Variants in PTPRD observed in about 807,000 individuals in gnomAD.
PTPRD encodes the protein receptor-type tyrosine-protein phosphatase delta.
Under a neutral mutation model 214.5 loss-of-function variants are expected in PTPRD, and 34 were observed. The ratio of observed to expected loss-of-function variants is 0.16; its 90% confidence interval spans 0.12 to 0.21. The LOEUF (loss-of-function observed/expected upper bound fraction) is 0.21, where lower values mean the gene tolerates loss of function less well. Among genes scored for constraint, PTPRD ranks in the 10% least tolerant of loss-of-function variants. The pLI, the probability that PTPRD is intolerant of heterozygous loss-of-function variation, is 1.00. For synonymous variants in PTPRD, 1,128 were observed against 845.7 expected, an observed-to-expected ratio of 1.33 and a Z score of -5.79; for missense variants, 2,545 against 2,398.7, an observed-to-expected ratio of 1.06 and a Z score of -1.27.
chr9:10,536,760 T>C (rs938668650), intron 2 of PTPRD, among the ~76,000 whole-genome samples: 1 of 152,154 alleles, frequency 6.6e-6, no homozygotes, highest in Non-Finnish European at 1.5e-5. Context: ...AAAAGTCAGC[T>C]GTCTCATTAA....
chr9:8,654,252 C>G (rs949972631), intron 12 of PTPRD, among the ~76,000 whole-genome samples: 1 of 152,130 alleles, frequency 6.6e-6, no homozygotes, highest in Non-Finnish European at 1.5e-5. Flanking sequence ...GTCAACTACC[C>G]CCTACTTGGT....
chr9:8,374,969 T>C (rs80297810), intron 39 of PTPRD, among the ~76,000 whole-genome samples: 1 of 151,808 alleles, frequency 6.6e-6, no homozygotes, highest in Non-Finnish European at 1.5e-5. Context: ...ATATGGGGTA[T>C]GAAAGAGAGT....
chr9:9,542,340 C>A (rs74721413), intron 8 of PTPRD, among the ~76,000 whole-genome samples: 7 of 151,318 alleles, frequency 4.6e-5, no homozygotes, highest in African/African-American at 7.3e-5. Flanking sequence ...TGGACCTGTA[C>A]GAAAAATTAA....
At chr9:9,088,022 C>G (rs530807950) in intron 10 of PTPRD, among the ~76,000 whole-genome samples, 1 of 149,842 alleles carries the variant, frequency 6.7e-6, no homozygotes, top group Admixed American at 6.7e-5. Flanking sequence ...GCTGGAATTA[C>G]AAGCGTGCAC....
intron 7 of PTPRD, among the ~76,000 whole-genome samples, chr9:9,716,443 G>T (rs375173273): frequency 6.6e-4 from 100 of 151,502 alleles, no homozygotes; most frequent in African/African-American, 1.7e-3. Flanking sequence ...ACTTCCACAA[G>T]GGTTGAACTA....
At chr9:10,561,154 C>G (rs774731126) in intron 2 of PTPRD, among the ~76,000 whole-genome samples, 21 of 152,202 alleles carry the variant, frequency 1.4e-4, no homozygotes, top group Non-Finnish European at 2.6e-4. Flanking sequence ...TGGTTTTAAA[C>G]AGACCCATGG....
intron 9 of PTPRD, among the ~76,000 whole-genome samples, chr9:9,331,304 C>A (rs892435384): frequency 2.6e-5 from 4 of 152,034 alleles, no homozygotes; most frequent in Non-Finnish European, 5.9e-5. Flanking sequence ...ACCCCCATTT[C>A]CAATTTACTA....
At chr9:9,362,781 T>C (rs2056644476) in intron 9 of PTPRD, among the ~76,000 whole-genome samples, 1 of 151,362 alleles carries the variant, frequency 6.6e-6, no homozygotes. Flanking sequence ...AATGTGTTGA[T>C]AGTTAGCAGG....
intron 3 of PTPRD, among the ~76,000 whole-genome samples, chr9:10,191,986 T>C (rs141598740): frequency 6.6e-6 from 1 of 152,170 alleles, no homozygotes; most frequent in Non-Finnish European, 1.5e-5. Flanking sequence ...CAGGTACTGG[T>C]TGAATTATTA....
intron 9 of PTPRD, among the ~76,000 whole-genome samples, chr9:9,353,231 G>C (rs955966834): frequency 6.6e-6 from 1 of 151,730 alleles, no homozygotes; most frequent in Non-Finnish European, 1.5e-5. Context: ...TTTAATGTCT[G>C]TTACCAAACT....
chr9:8,331,147 A>G (rs77128600), intron 44 of PTPRD, among the ~76,000 whole-genome samples: 7,402 of 149,274 alleles, frequency 0.05, 607 homozygotes, highest in African/African-American at 0.18. Flanking sequence ...CATACTAAGC[A>G]CTTATTGACT....
chr9:8,703,580 AT>A (rs763155487), intron 12 of PTPRD, among the ~76,000 whole-genome samples: 10 of 151,978 alleles, frequency 6.6e-5, no homozygotes, highest in South Asian at 6.3e-4. Flanking sequence ...CTCCAACTCT[AT>A]TGTTTTTCTT....
At chr9:10,522,016 G>A (rs1387093246) in intron 2 of PTPRD, among the ~76,000 whole-genome samples, 1 of 152,102 alleles carries the variant, frequency 6.6e-6, no homozygotes, top group African/African-American at 2.4e-5. Context: ...TGTTAGGGAA[G>A]GGATGTATAC....
intron 11 of PTPRD, among the ~76,000 whole-genome samples, chr9:8,776,810 G>C (rs1302968638): frequency 6.9e-6 from 1 of 144,776 alleles, no homozygotes; most frequent in South Asian, 2.1e-4. Context: ...TATTATATAT[G>C]TATAATATAT....
At chr9:9,662,299 A>G (rs1309465712) in intron 7 of PTPRD, among the ~76,000 whole-genome samples, 3 of 151,696 alleles carry the variant, frequency 2.0e-5, no homozygotes, top group African/African-American at 7.2e-5. Context: ...TGTAGTAGAA[A>G]AAGAAAATTG....
chr9:9,558,054 C>T (rs1382981341), intron 8 of PTPRD, among the ~76,000 whole-genome samples: 1 of 152,164 alleles, frequency 6.6e-6, no homozygotes, highest in Non-Finnish European at 1.5e-5. Context: ...CTTTCTTTCT[C>T]TGAGCACGAG....
At chr9:9,640,269 T>G (rs914062448) in intron 7 of PTPRD, among the ~76,000 whole-genome samples, 1 of 152,176 alleles carries the variant, frequency 6.6e-6, no homozygotes, top group Non-Finnish European at 1.5e-5. Flanking sequence ...CTTGGAATGC[T>G]TAAACAGTGA....
intron 2 of PTPRD, among the ~76,000 whole-genome samples, chr9:10,563,565 T>C (rs889094483): frequency 1.3e-5 from 2 of 152,172 alleles, no homozygotes; most frequent in Non-Finnish European, 2.9e-5. Context: ...AGTTACATTA[T>C]TTAAAATATA....
At chr9:10,172,730 GTT>G (rs2099217925) in intron 3 of PTPRD, among the ~76,000 whole-genome samples, 1 of 152,160 alleles carries the variant, frequency 6.6e-6, no homozygotes, top group Non-Finnish European at 1.5e-5. Context: ...GAGCAATTGT[GTT>G]TTGCTATCTG....
Sources: allele counts gnomAD v4.1 joint callset (sites outside exome capture counted in the v4.1 genomes callset), GRCh38; gene constraint gnomAD v4.1.1; transcripts MANE v1.5; gene names NCBI Gene and HGNC (gene_info 2026-07-23, HGNC 2026-07-21).